HNRNPK: variants seen among roughly 807,000 people sequenced by gnomAD.
HNRNPK encodes dC-stretch binding protein.
Under a neutral mutation model 67.0 loss-of-function variants are expected in HNRNPK, and 7 were observed. That is an observed-to-expected ratio of 0.10 (90% confidence interval 0.06 to 0.20). HNRNPK has a LOEUF of 0.20. Among genes scored for constraint, HNRNPK ranks in the 10% least tolerant of loss-of-function variants. The pLI, the probability that HNRNPK is intolerant of heterozygous loss-of-function variation, is 1.00. For missense variants in HNRNPK, 264 were observed against 606.5 expected (o/e 0.44, Z 5.93); for synonymous variants, 213 against 193.7 (o/e 1.10, Z -0.83).
In HNRNPK at chr9:83,973,367, G is replaced by A. The variant is rs116557087; in HGVS notation, c.435C>T (p.Cys145=). 1,023 of 1,608,266 alleles carry A rather than the reference G, an allele frequency of 6.4e-4. 3 individuals are homozygous for A. In the African/African-American group the frequency reaches 0.011, roughly 18 times the overall value. ...YQHYKGSDFD[C]ELRLLIHQSL... ...TCTGATGAATCAACAGCCTCAACTC[G>A]CAGTCAAAGTCACTTCCTTTATAGT... The change falls in exon 9 of 17, where the codon TGC becomes TGT. Residue 145 remains cysteine, a synonymous_variant. Transcript: ENST00000376263.
chr9:83,972,309 G>A, intron 10 of HNRNPK, 120 bp from the exon 11 acceptor site: 1 of 719,792 alleles, frequency 1.4e-6, no homozygotes, highest in South Asian at 2.1e-5. Flanking sequence ...AGGTACTAGA[G>A]ACAGAAACAG....
intron 16 of HNRNPK, 35 bp downstream of exon 16, chr9:83,970,127 T>C: frequency 2.6e-6 from 4 of 1,537,040 alleles, no homozygotes; most frequent in South Asian, 2.4e-5. Flanking sequence ...GGTTTTAGTA[T>C]GTATAAGCTA....
intron 7 of HNRNPK, 121 bp from the exon 8 acceptor site, chr9:83,974,094 G>A: frequency 1.6e-6 from 1 of 611,458 alleles, no homozygotes; most frequent in Non-Finnish European, 2.9e-6. Flanking sequence ...ATGAGAAACT[G>A]CTTTATTCAA....
intron 15 of HNRNPK, 127 bp downstream of exon 15, chr9:83,970,610 G>A: frequency 2.8e-6 from 2 of 715,268 alleles, no homozygotes; most frequent in Non-Finnish European, 4.7e-6. Context: ...GCTCACTAAA[G>A]CCCATTAACA....
intron 8 of HNRNPK, 110 bp downstream of exon 8, chr9:83,973,792 T>C: frequency 1.3e-6 from 1 of 777,648 alleles, no homozygotes; most frequent in Non-Finnish European, 2.2e-6. Context: ...TGTATCATGT[T>C]TTTAAGCCTT....
At chr9:83,977,246 T>A (rs750713141) in intron 4 of HNRNPK, among the ~76,000 whole-genome samples, 195 bp from the exon 5 acceptor site, 2 of 152,326 alleles carry the variant, frequency 1.3e-5, no homozygotes, top group Admixed American at 6.5e-5. Context: ...GAGGACTAGA[T>A]AGTTTGGAGT....
chr9:83,974,032 G>A (rs372217850), intron 7 of HNRNPK, 59 bp from the exon 8 acceptor site: 10 of 1,088,138 alleles, frequency 9.2e-6, no homozygotes, highest in African/African-American at 3.1e-5. Context: ...GGCTATTGTC[G>A]CATATATTGG....
Position 83,969,279 on chromosome 9 carries a change from G to A in HNRNPK, c.*128C>T, listed in dbSNP as rs970763193. On this transcript the variant is annotated 3_prime_UTR_variant, in exon 17 of 17. Coordinates refer to ENST00000376263, the MANE Select transcript of HNRNPK (RefSeq NM_031263.4). ...AATGCAGAACACCTATGAAGCAGAG[G>A]AATGTTGGCTTTTTAAACAGAAGCA... The A allele has an allele frequency of 2.6e-5, 19 of 744,934 alleles. No homozygotes were observed. Among genetic ancestry groups the A allele is most frequent in the African/African-American group, 1.8e-5 (1 of 56,368 alleles). The allele number at this position is 744,934 out of a possible 1,614,324, so 46.1% of individuals were successfully genotyped here.
chr9:83,970,884 G>A lies in HNRNPK; in HGVS notation c.1108+13C>T. ...TGAAATTAATGTTTGACTTCACAAAGGAGAGAACTTACCATATCCGGAGCC... is the reference window on the plus strand; with the variant it reads ...TGAAATTAATGTTTGACTTCACAAAAGAGAGAACTTACCATATCCGGAGCC... On this transcript the variant is annotated intron_variant, in intron 14 of 16. Transcript: ENST00000376263. The A allele has an allele frequency of 1.2e-6, 2 of 1,612,398 alleles. No homozygotes were observed. The highest frequency in any genetic ancestry group is 1.7e-6 in the Non-Finnish European group (2 of 1,178,576).
intron 8 of HNRNPK, 101 bp downstream of exon 8, chr9:83,973,801 T>C: frequency 9.3e-6 from 8 of 860,462 alleles, no homozygotes; most frequent in Non-Finnish European, 1.1e-5. Flanking sequence ...TTTTTAAGCC[T>C]TTTTCTATAG....
At chr9:83,979,582 G>C (rs944480661) in intron 1 of HNRNPK, among the ~76,000 whole-genome samples, 4 of 152,040 alleles carry the variant, frequency 2.6e-5, no homozygotes, top group African/African-American at 4.8e-5. Flanking sequence ...AGCGAAAGTC[G>C]ACAGCAGAAG....
intron 1 of HNRNPK, among the ~76,000 whole-genome samples, chr9:83,978,881 A>G (rs947170204): frequency 2.6e-4 from 39 of 152,212 alleles, no homozygotes; most frequent in Middle Eastern, 6.8e-3. Flanking sequence ...TGACATCTCT[A>G]AAGTTTACAA....
intron 10 of HNRNPK, 139 bp downstream of exon 10, chr9:83,972,705 G>A (rs1257460810): frequency 1.0e-5 from 6 of 579,034 alleles, no homozygotes; most frequent in Non-Finnish European, 1.8e-5. Context: ...TTAAAGTGAT[G>A]GCTGAAGCCA....
chr9:83,973,460 T>C, intron 8 of HNRNPK, 61 bp from the exon 9 acceptor site: 2 of 902,098 alleles, frequency 2.2e-6, no homozygotes, highest in Non-Finnish European at 3.8e-6. Context: ...TACACACTTA[T>C]CTGCTATAAG....
intron 15 of HNRNPK, 74 bp from the exon 16 acceptor site, chr9:83,970,405 G>T: frequency 8.5e-7 from 1 of 1,176,378 alleles, no homozygotes. Context: ...CAAGGAGCAT[G>T]AAGTTATTAA....
chr9:83,979,104 C>T (rs915576972), intron 1 of HNRNPK, among the ~76,000 whole-genome samples: 14 of 152,176 alleles, frequency 9.2e-5, no homozygotes. Flanking sequence ...GCCTGTAACA[C>T]GAAAACTAAA....
intron 5 of HNRNPK, chr9:83,976,767 T>C (rs1353124274): frequency 2.1e-5 from 8 of 384,766 alleles, no homozygotes; most frequent in Non-Finnish European, 3.7e-5. Flanking sequence ...TGGTGGACTC[T>C]TATTAAAATG....
chr9:83,973,214 A>G, intron 9 of HNRNPK, 72 bp downstream of exon 9: 1 of 913,066 alleles, frequency 1.1e-6, no homozygotes, highest in Admixed American at 1.9e-5. Flanking sequence ...AAGCGAGAGA[A>G]GCTCACAGAA....
intron 11 of HNRNPK, 47 bp from the exon 12 acceptor site, chr9:83,971,773 A>G (rs567217103): frequency 1.3e-6 from 2 of 1,599,290 alleles, no homozygotes; most frequent in East Asian, 4.5e-5. Context: ...TACATGCCAC[A>G]CATATCAAAT....
Sources: allele counts gnomAD v4.1 joint callset (sites outside exome capture counted in the v4.1 genomes callset), GRCh38; gene constraint gnomAD v4.1.1; transcripts MANE v1.5; gene names NCBI Gene and HGNC (gene_info 2026-07-23, HGNC 2026-07-21).